The following DGKB variants were observed in gnomAD, a reference collection of about 807,000 sequenced individuals.
The protein encoded by DGKB is diacylglycerol kinase beta.
In DGKB, 67 loss-of-function variants were observed where a neutral mutation model predicts 114.3. The observed-to-expected ratio is 0.59, with a 90% confidence interval of 0.48 to 0.72. DGKB has a LOEUF of 0.72. DGKB is among the 30% of genes least tolerant of loss of function. The pLI, the probability that DGKB is intolerant of heterozygous loss-of-function variation, is 0.00. For synonymous variants in DGKB, 398 were observed against 323.1 expected (o/e 1.23, Z -2.49); for missense variants, 907 against 975.2 (o/e 0.93, Z 0.93).
intron 2 of DGKB, among the ~76,000 whole-genome samples, chr7:14,796,619 A>C (rs537542799): frequency 1.3e-5 from 2 of 152,280 alleles, no homozygotes; most frequent in East Asian, 3.9e-4. Flanking sequence ...TGAACTGCTC[A>C]AAAGCAAAGA....
chr7:14,716,684 T>G (rs1480597247), intron 6 of DGKB, among the ~76,000 whole-genome samples: 1 of 152,042 alleles, frequency 6.6e-6, no homozygotes, highest in Non-Finnish European at 1.5e-5. Flanking sequence ...GGTAAATTGT[T>G]AAGAAAGTGG....
chr7:14,732,091 C>T (rs745486032), intron 5 of DGKB, among the ~76,000 whole-genome samples: 18 of 151,884 alleles, frequency 1.2e-4, no homozygotes, highest in Non-Finnish European at 2.4e-4. Context: ...ATACATACAA[C>T]CTTTATGCCT....
rs140097255 is a variant in DGKB at position 14,804,950 on chromosome 7, T to C, written c.70+36244A>G. 1.4e-4 allele frequency among the ~76,000 whole-genome samples: 21 copies of C among 152,236 alleles called. No individual in the cohort carries two copies. The East Asian group carries it at 4.0e-3, about 29-fold the overall frequency. On this transcript the variant is annotated intron_variant, in intron 2 of 25. Transcript: ENST00000402815. The stretch of plus-strand genomic sequence containing the variant: ...CTTTCCTACCTCTCATAATGTTTAG[T>C]CATTATATAATTATTAATTCTGGTC...
intron 23 of DGKB, among the ~76,000 whole-genome samples, chr7:14,281,491 C>G (rs1355170933): frequency 1.4e-5 from 2 of 146,624 alleles, no homozygotes; most frequent in Non-Finnish European, 3.0e-5. Flanking sequence ...GAATTGAACT[C>G]AGCTCTGCAC....
chr7:14,717,817 T>C (rs1828464816), intron 6 of DGKB, among the ~76,000 whole-genome samples: 1 of 152,106 alleles, frequency 6.6e-6, no homozygotes, highest in South Asian at 2.1e-4. Flanking sequence ...AGAAAGAACC[T>C]CAGAGATAGA....
At chr7:14,417,399 A>G (rs906595471) in intron 21 of DGKB, among the ~76,000 whole-genome samples, 3 of 152,112 alleles carry the variant, frequency 2.0e-5, no homozygotes, top group Non-Finnish European at 2.9e-5. Context: ...ATCCTGGCTC[A>G]GTGAACTAAG....
At chr7:14,656,336 G>A (rs1815778405) in intron 13 of DGKB, among the ~76,000 whole-genome samples, 1 of 151,436 alleles carries the variant, frequency 6.6e-6, no homozygotes, top group Non-Finnish European at 1.5e-5. Flanking sequence ...CCTATGATCT[G>A]AACTTAAAGT....
chr7:14,198,747 G>T (rs1025486200), intron 23 of DGKB, among the ~76,000 whole-genome samples: 2 of 151,940 alleles, frequency 1.3e-5, no homozygotes, highest in Admixed American at 1.3e-4. Context: ...GTGTATCCTA[G>T]ATATTGTAAG....
intron 21 of DGKB, among the ~76,000 whole-genome samples, chr7:14,445,500 C>A (rs76942692): frequency 6.6e-6 from 1 of 151,644 alleles, no homozygotes; most frequent in Non-Finnish European, 1.5e-5. Context: ...AAATGTTTTA[C>A]CAGGATATAA....
chr7:14,970,875 T>C (rs149112312), intron 1 of DGKB, among the ~76,000 whole-genome samples: 33 of 152,234 alleles, frequency 2.2e-4, no homozygotes, highest in Non-Finnish European at 4.4e-4. Context: ...GGAGTGCAGA[T>C]GGACAGCGTA....
chr7:14,878,573 G>A (rs1205188088), intron 1 of DGKB, among the ~76,000 whole-genome samples: 1 of 151,510 alleles, frequency 6.6e-6, no homozygotes, highest in Non-Finnish European at 1.5e-5. Context: ...GTGAAACCCC[G>A]TCTCTACTAA....
chr7:14,635,779 T>C (rs915338613), intron 13 of DGKB, among the ~76,000 whole-genome samples: 14 of 151,498 alleles, frequency 9.2e-5, no homozygotes, highest in Non-Finnish European at 2.1e-4. Flanking sequence ...AAGAACTCAG[T>C]ATAATAGACT....
intron 13 of DGKB, among the ~76,000 whole-genome samples, chr7:14,669,892 G>C (rs189370217): frequency 0.014 from 2,106 of 152,166 alleles, 23 homozygotes; most frequent in Non-Finnish European, 0.02. Flanking sequence ...GGGATAATAA[G>C]GATGTAACCT....
upstream of DGKB, chr7:14,902,942 C>T (rs556815423): frequency 2.2e-4 from 34 of 152,264 alleles, no homozygotes; most frequent in African/African-American, 7.9e-4. Context: ...CGTAGGTTTC[C>T]GGAGCCTGAA....
chr7:14,857,248 C>CTGTGTGTTTGTGTGTGTGTGTGTG (rs1554308182), intron 1 of DGKB, among the ~76,000 whole-genome samples: 130 of 23,500 alleles, frequency 5.5e-3, no homozygotes, highest in African/African-American at 0.043. Context: ...CAACCCCCTG[C>CTGTGTGTTTGTGTGTGTGTGTGTG]TGTGTGTGTT....
intron 1 of DGKB, among the ~76,000 whole-genome samples, chr7:14,858,018 T>C (rs1362857584): frequency 6.6e-6 from 1 of 152,184 alleles, no homozygotes; most frequent in Non-Finnish European, 1.5e-5. Flanking sequence ...GGATAGTAGT[T>C]CTCAGCCATT....
chr7:14,794,983 T>A (rs1274910904), intron 2 of DGKB, among the ~76,000 whole-genome samples: 2 of 152,006 alleles, frequency 1.3e-5, no homozygotes, highest in Non-Finnish European at 1.5e-5. Flanking sequence ...TGTAATGACC[T>A]CCCCCAAGGC....
intron 6 of DGKB, among the ~76,000 whole-genome samples, chr7:14,702,410 T>G (rs1825354093): frequency 1.3e-5 from 2 of 152,170 alleles, no homozygotes; most frequent in Admixed American, 1.3e-4. Flanking sequence ...TCATGGTTTA[T>G]TTGTTTAAAT....
chr7:14,374,160 G>A (rs574754748), intron 21 of DGKB, among the ~76,000 whole-genome samples: 12 of 151,944 alleles, frequency 7.9e-5, no homozygotes, highest in Admixed American at 2.6e-4. Flanking sequence ...ACTATCAATA[G>A]CTCCCCAACC....
Sources: gnomAD v4.1 joint callset for allele counts (sites outside exome capture counted in the v4.1 genomes callset) on GRCh38, gnomAD v4.1.1 for gene constraint, MANE v1.5 for transcripts, NCBI Gene and HGNC (gene_info 2026-07-23, HGNC 2026-07-21) for gene names.